Variants in EPB41L4A observed in about 807,000 individuals in gnomAD.
EPB41L4A encodes the protein erythrocyte membrane protein band 4.1 like 4A.
EPB41L4A carries 100 observed loss-of-function variants against 108.6 expected under a neutral mutation model. The observed-to-expected ratio is 0.92, with a 90% CI of 0.78 to 1.09. The LOEUF (loss-of-function observed/expected upper bound fraction) is 1.09. EPB41L4A is among the 50% of genes least tolerant of loss of function. The pLI is 0.00. For synonymous variants in EPB41L4A, 319 were observed against 289.0 expected (o/e 1.10, Z -1.05); for missense variants, 1,030 against 842.7 (o/e 1.22, Z -2.75).
chr5:112,232,162 G>T (rs1197393343), intron 12 of EPB41L4A, among the ~76,000 whole-genome samples: 1 of 151,138 alleles, frequency 6.6e-6, no homozygotes, highest in East Asian at 1.9e-4. Flanking sequence ...TCCACCTGAT[G>T]CTGGGAGGCT....
At chr5:112,367,335 A>G (rs900209669) in intron 1 of EPB41L4A, among the ~76,000 whole-genome samples, 4 of 152,210 alleles carry the variant, frequency 2.6e-5, no homozygotes, top group African/African-American at 7.2e-5. Context: ...ATTTCTTCAA[A>G]TAAGTTATCT....
At position 112,215,048 on chromosome 5, in the gene EPB41L4A, T is replaced by C. The variant is rs547697354; in HGVS notation, c.1088-5066A>G. The stretch of plus-strand genomic sequence containing the variant: ...GGCTGCCAGAACAGTGCACCACCCA[T>C]GGTAGGTACTCAATGAATGTCTATT... On this transcript the variant is annotated intron_variant, in intron 12 of 22. Transcript: ENST00000261486. Among the ~76,000 whole-genome samples the C allele has an allele frequency of 2.1e-4, 32 of 152,304 alleles. No individual in the cohort carries two copies. In the East Asian group the frequency reaches 6.0e-3, roughly 28 times the overall value.
At chr5:112,243,361 C>T (rs1026575030) in intron 9 of EPB41L4A, among the ~76,000 whole-genome samples, 1 of 150,076 alleles carries the variant, frequency 6.7e-6, no homozygotes, top group African/African-American at 2.5e-5. Context: ...TTTGTTTTTC[C>T]ATTTATAGAG....
chr5:112,234,184 TTAAAA>T (rs60528061), intron 12 of EPB41L4A, among the ~76,000 whole-genome samples: 53,431 of 145,326 alleles, frequency 0.37, 9,995 homozygotes, highest in Non-Finnish European at 0.39. Flanking sequence ...ATAAATAAAA[TTAAAA>T]TAAAATAAAA....
intron 2 of EPB41L4A, among the ~76,000 whole-genome samples, chr5:112,293,463 C>T (rs887122037): frequency 6.6e-5 from 10 of 152,148 alleles, no homozygotes; most frequent in Admixed American, 6.5e-5. Context: ...CTTCACCTCC[C>T]TAAACCTAGA....
intron 1 of EPB41L4A, among the ~76,000 whole-genome samples, chr5:112,310,078 C>T (rs780169015): frequency 1.3e-5 from 2 of 152,230 alleles, no homozygotes; most frequent in African/African-American, 2.4e-5. Context: ...CCAGCCATGA[C>T]ATCCTGGACT....
intron 1 of EPB41L4A, among the ~76,000 whole-genome samples, chr5:112,367,909 A>G (rs1046058095): frequency 8.5e-5 from 13 of 152,224 alleles, no homozygotes; most frequent in Admixed American, 8.5e-4. Context: ...ACTATAACCC[A>G]AAATTGAATC....
chr5:112,414,369 C>G (rs1762581853), intron 1 of EPB41L4A, among the ~76,000 whole-genome samples: 1 of 152,208 alleles, frequency 6.6e-6, no homozygotes, highest in African/African-American at 2.4e-5. Context: ...CTGCTATCCT[C>G]TATGAGAGTG....
intron 1 of EPB41L4A, among the ~76,000 whole-genome samples, chr5:112,339,487 TA>T (rs1757136479): frequency 6.9e-4 from 20 of 28,918 alleles, no homozygotes; most frequent in African/African-American, 1.7e-3. Context: ...TATATATATA[TA>T]TATATATCTA....
chr5:112,259,300 A>T lies in EPB41L4A; in HGVS notation c.732-8T>A, dbSNP rs1005835923. ...ACCTTTGTAATCCGAGGCCTAAAAAACAAAGCAGATGGTGTTGCTGCTGTT... is the reference window on the plus strand; with the variant it reads ...ACCTTTGTAATCCGAGGCCTAAAAATCAAAGCAGATGGTGTTGCTGCTGTT... On this transcript the variant is annotated splice_polypyrimidine_tract_variant and splice_region_variant and intron_variant, in intron 8 of 22. Transcript: ENST00000261486. 3 of 1,612,750 alleles carry T rather than the reference A, an allele frequency of 1.9e-6. No individual in the cohort carries two copies. Among genetic ancestry groups the T allele is most frequent in the Admixed American group, 3.3e-5 (2 of 60,008 alleles).
At chr5:112,396,317 T>C (rs2112712761) in intron 1 of EPB41L4A, among the ~76,000 whole-genome samples, 1 of 152,322 alleles carries the variant, frequency 6.6e-6, no homozygotes, top group South Asian at 2.1e-4. Context: ...CCATATTGCT[T>C]CAATATGCAG....
chr5:112,322,284 T>G (rs111928495), intron 1 of EPB41L4A, among the ~76,000 whole-genome samples: 2,058 of 152,280 alleles, frequency 0.014, 43 homozygotes, highest in African/African-American at 0.047. Flanking sequence ...TAGGCTAACT[T>G]AGCCAAGAAT....
At chr5:112,396,813 C>T (rs932009556) in intron 1 of EPB41L4A, among the ~76,000 whole-genome samples, 3 of 152,212 alleles carry the variant, frequency 2.0e-5, no homozygotes, top group Non-Finnish European at 4.4e-5. Context: ...CCAGCCTATA[C>T]TCAAGGGCAG....
intron 1 of EPB41L4A, among the ~76,000 whole-genome samples, chr5:112,372,454 A>G (rs1436352961): frequency 1.3e-5 from 2 of 152,230 alleles, no homozygotes; most frequent in African/African-American, 4.8e-5. Context: ...TCAGGAAGGA[A>G]ATAAGCAAAC....
At chr5:112,281,871 T>C (rs916005801) in intron 2 of EPB41L4A, among the ~76,000 whole-genome samples, 1 of 152,234 alleles carries the variant, frequency 6.6e-6, no homozygotes, top group African/African-American at 2.4e-5. Context: ...TGTAAGATTT[T>C]ATAACTATAC....
chr5:112,213,076 T>C lies in EPB41L4A; in HGVS notation c.1088-3094A>G, dbSNP rs181382039. Among the ~76,000 whole-genome samples the C allele has an allele frequency of 7.9e-5, 12 of 152,318 alleles. No homozygotes were observed. In the East Asian group the frequency reaches 1.7e-3, roughly 22 times the overall value. On this transcript the variant is annotated intron_variant, in intron 12 of 22. Coordinates refer to ENST00000261486, the MANE Select transcript of EPB41L4A (RefSeq NM_022140.5). ...AATGTCTGAATCATAATTTTTAAGA[T>C]GAAGCATTATTTGGATGGTTTTCCA... is the stretch of plus-strand genomic sequence containing the variant.
intron 16 of EPB41L4A, among the ~76,000 whole-genome samples, chr5:112,195,225 G>C (rs1283469532): frequency 6.6e-6 from 1 of 152,054 alleles, no homozygotes; most frequent in East Asian, 1.9e-4. Flanking sequence ...ATGCAGAGAG[G>C]TCCCAGGCCT....
intron 18 of EPB41L4A, among the ~76,000 whole-genome samples, chr5:112,178,619 A>G: frequency 6.6e-6 from 1 of 152,160 alleles, no homozygotes; most frequent in Non-Finnish European, 1.5e-5. Context: ...TTAGAATAAT[A>G]ATAATATTTG....
chr5:112,149,860 A>C (rs1759400444), intron 12 of EPB41L4A, among the ~76,000 whole-genome samples: 1 of 152,190 alleles, frequency 6.6e-6, no homozygotes, highest in Non-Finnish European at 1.5e-5. Context: ...TGCTCACCCC[A>C]GTGGCTTATT....
Sources: gnomAD v4.1 joint callset for allele counts (sites outside exome capture counted in the v4.1 genomes callset) on GRCh38, gnomAD v4.1.1 for gene constraint, MANE v1.5 for transcripts, NCBI Gene and HGNC (gene_info 2026-07-23, HGNC 2026-07-21) for gene names.